NEK1: variants seen among roughly 807,000 people sequenced by gnomAD.
The protein encoded by NEK1 is serine/threonine-protein kinase Nek1.
NEK1 carries 137 observed loss-of-function variants against 182.1 expected under a neutral mutation model. The ratio of observed to expected loss-of-function variants is 0.75; its 90% CI spans 0.65 to 0.87. NEK1 has a LOEUF of 0.87. NEK1 is among the 40% of genes least tolerant of loss of function. The pLI, the probability that NEK1 is intolerant of heterozygous loss-of-function variation, is 0.00. For missense variants in NEK1, 1,391 were observed against 1,494.4 expected (o/e 0.93, Z 1.14); for synonymous variants, 513 against 492.2 (o/e 1.04, Z -0.56).
At chr4:169,561,654 G>GA (rs761975147) in intron 15 of NEK1, 33 bp downstream of exon 15, 2 of 1,570,910 alleles carry the variant, frequency 1.3e-6, no homozygotes, top group African/African-American at 2.7e-5. Flanking sequence ...TATTCCTTAA[G>GA]AAAAAAGTAT....
At chr4:169,565,420 A>T (rs1763525711) in intron 12 of NEK1, among the ~76,000 whole-genome samples, 2 of 152,344 alleles carry the variant, frequency 1.3e-5, no homozygotes, top group South Asian at 4.1e-4. Context: ...TAAAATAATT[A>T]TGAGAGATCT....
At chr4:169,542,376 C>A (rs1037006775) in intron 18 of NEK1, among the ~76,000 whole-genome samples, 1 of 152,138 alleles carries the variant, frequency 6.6e-6, no homozygotes, top group Admixed American at 6.5e-5. Context: ...TGTATATGTG[C>A]CACACTTTCT....
intron 19 of NEK1, among the ~76,000 whole-genome samples, chr4:169,523,778 A>G (rs926078100): frequency 1.3e-5 from 2 of 152,222 alleles, no homozygotes; most frequent in African/African-American, 4.8e-5. Context: ...TTTATTGTCT[A>G]TCTCCCTTTA....
At position 169,561,882 on chromosome 4, in the gene NEK1, T is replaced by G. The variant is rs1396910002; in HGVS notation, c.1090A>C (p.Arg364=). Residue 364 remains arginine (R), a synonymous_variant, in exon 14 of 36, where the codon AGA becomes CGA. Coordinates refer to ENST00000507142, the MANE Select transcript of NEK1 (RefSeq NM_001199397.3). The part of the protein sequence containing the change: ...ERRKISEEAA[R]KRRLEFIEKE... Reference sequence around the variant, plus strand: ...TCAATAAATTCCAGCCTTCTCTTTCTTGCTGCTTCCTTAAATAAAAAAAAG... The same window carrying G: ...TCAATAAATTCCAGCCTTCTCTTTCGTGCTGCTTCCTTAAATAAAAAAAAG... 1 of 1,604,146 alleles carries G rather than the reference T, an allele frequency of 6.2e-7. No homozygotes were observed. The highest frequency in any genetic ancestry group is 8.5e-7 in the Non-Finnish European group (1 of 1,176,640).
At chr4:169,457,459 C>T (rs1305646510) in intron 27 of NEK1, among the ~76,000 whole-genome samples, 2 of 150,480 alleles carry the variant, frequency 1.3e-5, no homozygotes, top group Non-Finnish European at 3.0e-5. Context: ...GAAAAAAAAA[C>T]AGAATACTAG....
chr4:169,457,050 T>C (rs1743018347), intron 27 of NEK1, among the ~76,000 whole-genome samples: 2 of 152,126 alleles, frequency 1.3e-5, no homozygotes, highest in South Asian at 4.1e-4. Context: ...TGGTAGTTAC[T>C]AGAGGCTAGG....
At chr4:169,464,582 T>C (rs1744582535) in intron 26 of NEK1, among the ~76,000 whole-genome samples, 1 of 152,122 alleles carries the variant, frequency 6.6e-6, no homozygotes, top group Non-Finnish European at 1.5e-5. Context: ...TTGGGGCATT[T>C]TGGATTTCAG....
At chr4:169,471,439 G>GT (rs552945168) in intron 26 of NEK1, among the ~76,000 whole-genome samples, 47 of 152,282 alleles carry the variant, frequency 3.1e-4, no homozygotes, top group Middle Eastern at 3.4e-3. Context: ...GTTTGCCTGG[G>GT]TATCTCCAGT....
At chr4:169,546,360 T>C (rs1760451254) in intron 18 of NEK1, among the ~76,000 whole-genome samples, 2 of 152,230 alleles carry the variant, frequency 1.3e-5, no homozygotes, top group Admixed American at 6.5e-5. Context: ...TTTGTTATGA[T>C]TTCCATTCTT....
chr4:169,400,588 T>C lies in NEK1; in HGVS notation c.3647A>G (p.Glu1216Gly), dbSNP rs1162553614. ...ECDSVFNHLE[E>G]LRLHLEQEMG... Reference sequence around the variant, plus strand: ...TTCCTGCTCCAGATGAAGTCTCAGTTCCTCTAAATGGTTAAAGACACTATC... The same window carrying C: ...TTCCTGCTCCAGATGAAGTCTCAGTCCCTCTAAATGGTTAAAGACACTATC... The change falls in exon 34 of 36, where the codon GAA (glutamate) becomes GGA (glycine). Residue 1216 changes from glutamate to glycine, a missense_variant. Around this residue, in one of 5 missense-constraint regions of NEK1, gnomAD observed 1,216 missense variants for 1,277.6 expected, o/e 0.95. Coordinates refer to ENST00000507142, the MANE Select transcript of NEK1 (RefSeq NM_001199397.3). 2.5e-6 allele frequency: 4 copies of C among 1,609,044 alleles called. No homozygotes were observed. Among genetic ancestry groups the C allele is most frequent in the Non-Finnish European group, 2.5e-6 (3 of 1,177,700 alleles).
intron 28 of NEK1, among the ~76,000 whole-genome samples, chr4:169,436,642 C>A (rs1157641193): frequency 6.6e-6 from 1 of 152,128 alleles, no homozygotes. Flanking sequence ...ATACAGAGAG[C>A]CCAGGATGAT....
intron 12 of NEK1, among the ~76,000 whole-genome samples, chr4:169,563,590 C>T (rs1289072518): frequency 6.6e-6 from 1 of 151,988 alleles, no homozygotes; most frequent in East Asian, 1.9e-4. Flanking sequence ...CATTTCTTTC[C>T]TTTTAATTGC....
chr4:169,504,592 G>C (rs1752924617), intron 23 of NEK1, among the ~76,000 whole-genome samples: 2 of 152,184 alleles, frequency 1.3e-5, no homozygotes, highest in South Asian at 4.1e-4. Flanking sequence ...AATATGAAAG[G>C]AACTGGAGTT....
chr4:169,536,352 T>C (rs1254076274), intron 19 of NEK1, among the ~76,000 whole-genome samples: 3 of 144,492 alleles, frequency 2.1e-5, no homozygotes, highest in Non-Finnish European at 3.0e-5. Context: ...ATTCTAGTGA[T>C]AAAGAGAAAA....
At chr4:169,581,039 TAAAAAAAAAAAAAA>T (rs34236215) in intron 10 of NEK1, 137 bp from the exon 11 acceptor site, 25 of 130,966 alleles carry the variant, frequency 1.9e-4, no homozygotes, top group African/African-American at 6.2e-4. Context: ...ACCAAGTTGT[TAAAAAAAAAAAAAA>T]AAAAAAAAAA....
At chr4:169,607,469 T>A (rs1481559088) in intron 2 of NEK1, among the ~76,000 whole-genome samples, 1 of 152,142 alleles carries the variant, frequency 6.6e-6, no homozygotes, top group African/African-American at 2.4e-5. Flanking sequence ...TTTTAATTTT[T>A]AATTTTTTTT....
rs748847148 is a variant in NEK1 at position 169,537,899 on chromosome 4, C to T, written c.1575G>A (p.Gln525=). The T allele has an allele frequency of 6.2e-7, 1 of 1,601,016 alleles. No homozygotes were observed. The highest frequency in any genetic ancestry group is 1.1e-5 in the South Asian group (1 of 88,258). ...KQANANRQKG[Q]LAVERAKQVE... The stretch of plus-strand genomic sequence containing the variant: ...CTTGTTTAGCTCTTTCTACAGCTAG[C>T]TGCCCTTTTTGCCTAATTTGGACAA... Residue 525 remains glutamine, a synonymous_variant, in exon 19 of 36, where the codon CAG becomes CAA. Transcript: ENST00000507142.
intron 23 of NEK1, among the ~76,000 whole-genome samples, chr4:169,500,398 C>T (rs1752213986): frequency 6.6e-6 from 1 of 152,200 alleles, no homozygotes; most frequent in Non-Finnish European, 1.5e-5. Flanking sequence ...GTGCGCTGCA[C>T]CCACTGTCCT....
At chr4:169,492,865 C>G (rs561374523) in intron 23 of NEK1, among the ~76,000 whole-genome samples, 21 of 152,318 alleles carry the variant, frequency 1.4e-4, no homozygotes, top group Admixed American at 1.4e-3. Context: ...CAATGGGAAA[C>G]AGGAAATGTG....
Sources: gnomAD v4.1 joint callset for allele counts (sites outside exome capture counted in the v4.1 genomes callset) on GRCh38, gnomAD v4.1.1 for gene constraint, gnomAD v4.1.1 regional missense constraint, MANE v1.5 for transcripts, NCBI Gene and HGNC (gene_info 2026-07-23, HGNC 2026-07-21) for gene names.